The following RPS6KC1 variants were observed in gnomAD, a reference collection of about 807,000 sequenced individuals.
RPS6KC1 encodes inactive ribosomal protein S6 kinase delta-1.
Under a neutral mutation model 103.8 loss-of-function variants are expected in RPS6KC1, and 54 were observed. The ratio of observed to expected loss-of-function variants is 0.52; its 90% CI spans 0.42 to 0.65. The LOEUF (loss-of-function observed/expected upper bound fraction) is 0.65, where lower values mean the gene tolerates loss of function less well. Ranked by LOEUF, RPS6KC1 falls within the 30% of genes least tolerant of loss-of-function variation. The pLI is 0.00. For missense variants in RPS6KC1, 1,151 were observed against 1,253.8 expected (o/e 0.92, Z 1.24); for synonymous variants, 439 against 438.7 (o/e 1.00, Z -0.01).
intron 8 of RPS6KC1, 102 bp from the exon 9 acceptor site, chr1:213,230,395 G>T: frequency 4.2e-6 from 3 of 721,786 alleles, no homozygotes; most frequent in Non-Finnish European, 2.2e-6. Flanking sequence ...TTGGGGAGGG[G>T]ATTAAATTTC....
intron 8 of RPS6KC1, among the ~76,000 whole-genome samples, chr1:213,212,828 T>A (rs903030165): frequency 6.6e-6 from 1 of 152,224 alleles, no homozygotes; most frequent in African/African-American, 2.4e-5. Flanking sequence ...CCTGATGACA[T>A]GCAATGTTGA....
the RPS6KC1 span, among the ~76,000 whole-genome samples, chr1:213,646,897 A>ATATTTTT: frequency 2.4e-4 from 36 of 150,534 alleles, no homozygotes; most frequent in African/African-American, 8.8e-4. Flanking sequence ...ATATATATAT[A>ATATTTTT]TTTTTGTTTG....
At chr1:213,213,042 T>C (rs2093557860) in intron 8 of RPS6KC1, among the ~76,000 whole-genome samples, 1 of 152,210 alleles carries the variant, frequency 6.6e-6, no homozygotes, top group African/African-American at 2.4e-5. Context: ...ACATTGTTTT[T>C]CATGGAGCAT....
chr1:213,230,561 G>A lies in RPS6KC1; in HGVS notation c.1092+17G>A, dbSNP rs2094070684. ...ATTTTAAAAGTAAGTAAAATTTGTA[G>A]CCAGGCGCGGTGCCTATAATTCCAG... On this transcript the variant is annotated intron_variant, in intron 9 of 14. Coordinates refer to ENST00000366960, the MANE Select transcript of RPS6KC1 (RefSeq NM_012424.6). 6.3e-7 allele frequency: 1 copy of A among 1,598,684 alleles called. No homozygotes were observed. The highest frequency in any genetic ancestry group is 8.5e-7 in the Non-Finnish European group (1 of 1,170,818).
rs530671413 is a variant in RPS6KC1, at chr1:213,184,884, A to G, written c.1044+8392A>G. On this transcript the variant is annotated intron_variant, in intron 8 of 14. Coordinates refer to ENST00000366960, the MANE Select transcript of RPS6KC1 (RefSeq NM_012424.6). ...ACATGATTTTTTTAAAAATTCGCTCATACTTGTTTTATGGCCTATTTTGTG... is the reference window on the plus strand; with the variant it reads ...ACATGATTTTTTTAAAAATTCGCTCGTACTTGTTTTATGGCCTATTTTGTG... Among the ~76,000 whole-genome samples, 4 of 152,292 alleles carry G rather than the reference A, an allele frequency of 2.6e-5. No homozygotes were observed. In the East Asian group the frequency reaches 7.7e-4, roughly 29 times the overall value.
At chr1:213,807,855 C>T in the RPS6KC1 span, among the ~76,000 whole-genome samples, 1 of 152,156 alleles carries the variant, frequency 6.6e-6, no homozygotes, top group South Asian at 2.1e-4. Flanking sequence ...AGGTGCTCTG[C>T]TTTTTAGAGT....
chr1:213,166,247 G>A (rs540165958), intron 6 of RPS6KC1, among the ~76,000 whole-genome samples: 3 of 151,866 alleles, frequency 2.0e-5, no homozygotes, highest in South Asian at 4.2e-4. Flanking sequence ...TCTTAAATGG[G>A]GATTTAAATT....
chr1:213,151,350 C>T (rs1389743351), intron 6 of RPS6KC1, among the ~76,000 whole-genome samples: 2 of 131,316 alleles, frequency 1.5e-5, no homozygotes, highest in Non-Finnish European at 3.3e-5. Flanking sequence ...GGGGGGCTAA[C>T]CCCCCCACCT....
At chr1:213,277,981 A>C (rs2095115336), downstream of RPS6KC1, among the ~76,000 whole-genome samples, 1 of 152,176 alleles carries the variant, frequency 6.6e-6, no homozygotes, top group South Asian at 2.1e-4. Context: ...AGGCGGGTGA[A>C]TTGATTGAGT....
chr1:213,841,627 C>T, the RPS6KC1 span, among the ~76,000 whole-genome samples: 2 of 152,206 alleles, frequency 1.3e-5, no homozygotes, highest in Admixed American at 6.5e-5. Context: ...CCTTCCCAAC[C>T]CTGCTCAGTT....
intron 6 of RPS6KC1, among the ~76,000 whole-genome samples, chr1:213,154,968 G>A (rs912998246): frequency 1.3e-5 from 2 of 152,212 alleles, no homozygotes; most frequent in Non-Finnish European, 2.9e-5. Flanking sequence ...TAGTTAGCAG[G>A]TGATGAATGC....
intron 14 of RPS6KC1, among the ~76,000 whole-genome samples, chr1:213,267,304 A>T (rs928032505): frequency 6.6e-6 from 1 of 151,914 alleles, no homozygotes; most frequent in African/African-American, 2.4e-5. Flanking sequence ...AAGAAAAAAA[A>T]ATGTGGAAAG....
chr1:213,151,077 G>A (rs1344149295), intron 6 of RPS6KC1, among the ~76,000 whole-genome samples: 4 of 145,974 alleles, frequency 2.7e-5, no homozygotes, highest in African/African-American at 7.6e-5. Context: ...GCCGGGCAGA[G>A]GCGCCCCTCA....
the RPS6KC1 span, among the ~76,000 whole-genome samples, chr1:213,774,884 C>T: frequency 6.6e-6 from 1 of 152,212 alleles, no homozygotes; most frequent in African/African-American, 2.4e-5. Flanking sequence ...AGGCAGCCCG[C>T]ACTCCATGTG....
chr1:213,370,123 G>A, the RPS6KC1 span, among the ~76,000 whole-genome samples: 1 of 152,148 alleles, frequency 6.6e-6, no homozygotes, highest in Non-Finnish European at 1.5e-5. Context: ...TCAAAAAGAT[G>A]CTGTGCAAAA....
the RPS6KC1 span, among the ~76,000 whole-genome samples, chr1:213,750,358 G>A: frequency 0.12 from 18,152 of 152,186 alleles, 1,336 homozygotes; most frequent in African/African-American, 0.21. Flanking sequence ...TCAGTCCTTC[G>A]CTGGAGTTAT....
intron 6 of RPS6KC1, among the ~76,000 whole-genome samples, chr1:213,158,816 A>G (rs928769173): frequency 2.6e-5 from 4 of 152,122 alleles, no homozygotes; most frequent in African/African-American, 7.2e-5. Flanking sequence ...AAGGAACCCT[A>G]GAAAACTAGT....
At chr1:213,171,319 G>A (rs749279196) in intron 7 of RPS6KC1, among the ~76,000 whole-genome samples, 5 of 150,476 alleles carry the variant, frequency 3.3e-5, no homozygotes, top group African/African-American at 4.9e-5. Flanking sequence ...TAAAGTAAAG[G>A]TTGAATCTTA....
At chr1:213,345,499 T>A in the RPS6KC1 span, among the ~76,000 whole-genome samples, 1 of 152,246 alleles carries the variant, frequency 6.6e-6, no homozygotes, top group Non-Finnish European at 1.5e-5. Flanking sequence ...TTACAGATCA[T>A]CTGAGGCTCT....
Sources: allele counts gnomAD v4.1 joint callset (sites outside exome capture counted in the v4.1 genomes callset), GRCh38; gene constraint gnomAD v4.1.1; transcripts MANE v1.5; gene names NCBI Gene and HGNC (gene_info 2026-07-23, HGNC 2026-07-21).